The following PTPRO variants were observed in gnomAD, a reference collection of about 807,000 sequenced individuals.
The protein encoded by PTPRO is receptor-type tyrosine-protein phosphatase O.
Under a neutral mutation model 145.2 loss-of-function variants are expected in PTPRO, and 62 were observed. The ratio of observed to expected loss-of-function variants is 0.43; its 90% CI spans 0.35 to 0.53. PTPRO has a LOEUF of 0.53. Ranked by LOEUF, PTPRO falls within the 20% of genes least tolerant of loss-of-function variation. PTPRO has a pLI of 0.01. For synonymous variants in PTPRO, 565 were observed against 514.7 expected (o/e 1.10, Z -1.32); for missense variants, 1,345 against 1,482.7 (o/e 0.91, Z 1.53).
intron 2 of PTPRO, among the ~76,000 whole-genome samples, chr12:15,491,803 T>C (rs1048009301): frequency 1.1e-4 from 17 of 152,186 alleles, no homozygotes; most frequent in Admixed American, 5.9e-4. Context: ...GCTGAAGTAA[T>C]GGGCCCTCTG....
At chr12:15,453,664 A>G (rs1193551972) in intron 1 of PTPRO, among the ~76,000 whole-genome samples, 2 of 152,188 alleles carry the variant, frequency 1.3e-5, no homozygotes, top group African/African-American at 4.8e-5. Context: ...CACAATATTA[A>G]ACAGCAGACC....
At position 15,597,678 on chromosome 12, in the gene PTPRO, C is replaced by A. The variant is rs769512286; in HGVS notation, c.*1605C>A. On this transcript the variant is annotated 3_prime_UTR_variant, in exon 27 of 27. Transcript: ENST00000281171. ...GCCAGTGAGTCTCAGTTTCACCTTG[C>A]AGGGTGAATGGCAGAGGATGCCCAT... is the stretch of plus-strand genomic sequence containing the variant. Among the ~76,000 whole-genome samples, 1 of 152,198 alleles carries A rather than the reference C, an allele frequency of 6.6e-6. No individual in the cohort carries two copies. The highest frequency in any genetic ancestry group is 1.9e-4 in the East Asian group (1 of 5,188).
At chr12:15,424,818 C>A (rs1940239622) in intron 1 of PTPRO, among the ~76,000 whole-genome samples, 1 of 151,992 alleles carries the variant, frequency 6.6e-6, no homozygotes, top group South Asian at 2.1e-4. Flanking sequence ...GACTGATTGA[C>A]AGGTCAACGT....
chr12:15,397,314 G>A (rs1037085108), intron 1 of PTPRO, among the ~76,000 whole-genome samples: 14 of 152,104 alleles, frequency 9.2e-5, no homozygotes, highest in African/African-American at 3.4e-4. Flanking sequence ...TGTGAAATAT[G>A]CTTTCACATA....
At chr12:15,472,742 C>T (rs1941570276) in intron 1 of PTPRO, among the ~76,000 whole-genome samples, 1 of 152,156 alleles carries the variant, frequency 6.6e-6, no homozygotes, top group Admixed American at 6.5e-5. Context: ...ATATGTTGGG[C>T]TTTATTCACT....
intron 12 of PTPRO, among the ~76,000 whole-genome samples, chr12:15,537,084 A>AT (rs1267495877): frequency 6.6e-6 from 1 of 152,160 alleles, no homozygotes; most frequent in Non-Finnish European, 1.5e-5. Context: ...GGTTTGATTT[A>AT]TTAACTTGGA....
At chr12:15,510,454 C>T (rs1333486797) in intron 7 of PTPRO, among the ~76,000 whole-genome samples, 1 of 152,150 alleles carries the variant, frequency 6.6e-6, no homozygotes, top group African/African-American at 2.4e-5. Flanking sequence ...TACATTTCTC[C>T]CCTTGCCCTA....
At chr12:15,490,948 G>A (rs1428162468) in intron 2 of PTPRO, among the ~76,000 whole-genome samples, 2 of 152,182 alleles carry the variant, frequency 1.3e-5, no homozygotes, top group South Asian at 4.1e-4. Flanking sequence ...GAGGCAGGGA[G>A]AATAATTTAG....
chr12:15,582,879 G>A (rs1944351028), intron 23 of PTPRO, among the ~76,000 whole-genome samples: 1 of 152,144 alleles, frequency 6.6e-6, no homozygotes, highest in Non-Finnish European at 1.5e-5. Flanking sequence ...CCTTTCTGCT[G>A]ACAAGTCTCT....
At chr12:15,427,499 A>C (rs922517646) in intron 1 of PTPRO, among the ~76,000 whole-genome samples, 1 of 151,650 alleles carries the variant, frequency 6.6e-6, no homozygotes, top group East Asian at 1.9e-4. Flanking sequence ...TTTTTTAATT[A>C]GTTTTCTTGG....
At chr12:15,445,209 T>C (rs1464835157) in intron 1 of PTPRO, among the ~76,000 whole-genome samples, 1 of 152,018 alleles carries the variant, frequency 6.6e-6, no homozygotes, top group Non-Finnish European at 1.5e-5. Context: ...CTTATAAGGA[T>C]TTTTTTTCCT....
intron 1 of PTPRO, among the ~76,000 whole-genome samples, chr12:15,403,364 C>T (rs1327764502): frequency 6.6e-6 from 1 of 151,994 alleles, no homozygotes; most frequent in Non-Finnish European, 1.5e-5. Flanking sequence ...GGATGGATCA[C>T]CTGAGGTCAG....
chr12:15,375,347 A>G (rs1340071667), intron 1 of PTPRO, among the ~76,000 whole-genome samples: 1 of 152,222 alleles, frequency 6.6e-6, no homozygotes, highest in Non-Finnish European at 1.5e-5. Flanking sequence ...TTTTAGACTT[A>G]CTAGACAGAC....
In PTPRO at chr12:15,501,704, A is replaced by G; in HGVS notation, c.746A>G (p.Glu249Gly). The change falls in exon 5 of 27, where the codon GAA (glutamate) becomes GGA (glycine). Residue 249 changes from glutamate to glycine, a missense_variant. Around this residue, in one of 3 missense-constraint regions of PTPRO, gnomAD observed 1,130 missense variants for 1,214.7 expected, o/e 0.93. Coordinates refer to ENST00000281171, the MANE Select transcript of PTPRO (RefSeq NM_030667.3). ...GAAGAACAGAGTGGCAATTTCCCAG[A>G]AGAATCCTTCATGAGATCACAAGAT... Reference protein sequence around the residue: ...NWEEQSGNFPEESFMRSQDTI... With the variant: ...NWEEQSGNFPGESFMRSQDTI... The G allele has an allele frequency of 6.2e-7, 1 of 1,613,978 alleles. No homozygotes were observed. The highest frequency in any genetic ancestry group is 1.1e-5 in the South Asian group (1 of 91,070).
chr12:15,490,609 T>C (rs769566369), intron 2 of PTPRO, among the ~76,000 whole-genome samples: 29 of 152,210 alleles, frequency 1.9e-4, no homozygotes, highest in Admixed American at 5.2e-4. Flanking sequence ...TGTAGTTTGC[T>C]CACTTGATCT....
chr12:15,433,577 C>T (rs1940512694), intron 1 of PTPRO, among the ~76,000 whole-genome samples: 1 of 152,182 alleles, frequency 6.6e-6, no homozygotes, highest in Non-Finnish European at 1.5e-5. Flanking sequence ...CTGCATATGG[C>T]TAGCCAGTTA....
At chr12:15,515,138 C>G (rs1274864045) in intron 7 of PTPRO, among the ~76,000 whole-genome samples, 1 of 152,062 alleles carries the variant, frequency 6.6e-6, no homozygotes, top group East Asian at 1.9e-4. Context: ...CCGTACTGAC[C>G]TTTGTATGTA....
chr12:15,551,730 A>G, intron 15 of PTPRO, 59 bp downstream of exon 15: 1 of 1,575,866 alleles, frequency 6.3e-7, no homozygotes, highest in Non-Finnish European at 8.7e-7. Context: ...TATCTGCCAT[A>G]TATATATTGT....
intron 1 of PTPRO, among the ~76,000 whole-genome samples, chr12:15,406,717 G>A (rs1018564232): frequency 6.6e-6 from 1 of 152,180 alleles, no homozygotes; most frequent in South Asian, 2.1e-4. Flanking sequence ...TGCCCTGGTA[G>A]AATTGTGCTT....
Sources: allele counts gnomAD v4.1 joint callset (sites outside exome capture counted in the v4.1 genomes callset), GRCh38; gene constraint gnomAD v4.1.1; regional missense constraint gnomAD v4.1.1; transcripts MANE v1.5; gene names NCBI Gene and HGNC (gene_info 2026-07-23, HGNC 2026-07-21).